Variants in HCFC1 observed in about 807,000 individuals in gnomAD.
The protein encoded by HCFC1 is host cell factor C1, also known as host cell factor 1.
HCFC1 carries 7 observed loss-of-function variants against 105.5 expected under a neutral mutation model. That is an observed-to-expected ratio of 0.07 (90% CI 0.04 to 0.12). The LOEUF is 0.12. Ranked by LOEUF, HCFC1 falls within the 10% of genes least tolerant of loss-of-function variation. The pLI is 1.00. For synonymous variants in HCFC1, 918 were observed against 828.1 expected (o/e 1.11, Z -1.86); for missense variants, 1,065 against 1,823.6 (o/e 0.58, Z 7.58).
Position 153,958,112 on chromosome X carries a change from G to A in HCFC1, c.1941C>T (p.Ala647=). Residue 647 remains alanine, a synonymous_variant, in exon 11 of 26, where the codon GCC becomes GCT. Coordinates refer to ENST00000310441, the MANE Select transcript of HCFC1 (RefSeq NM_005334.3). ...CGCCCACAACTGTGGTCACCACCTG[G>A]GCTTGCTGGGCCACTGTCACAGTGC... The part of the protein sequence containing the change: ...KSGTVTVAQQ[A]QVVTTVVGGV... The A allele has an allele frequency of 8.3e-7, 1 of 1,211,849 alleles. No individual in the cohort carries two copies. The highest frequency in any genetic ancestry group is 1.8e-5 in the South Asian group (1 of 57,031).
At chrX:153,961,309 C>T (rs1352325843) in intron 6 of HCFC1, among the ~76,000 whole-genome samples, 1 of 112,466 alleles carries the variant, frequency 8.9e-6, no homozygotes. Flanking sequence ...GGCCCTGCAC[C>T]GTAGAGGCTT....
At chrX:153,959,767 C>T in intron 8 of HCFC1, 35 bp downstream of exon 8, 1 of 1,148,492 alleles carries the variant, frequency 8.7e-7, no homozygotes, top group Non-Finnish European at 1.2e-6. Context: ...GAGGCTAGCC[C>T]CCTACTTTCA....
At chrX:153,950,744 G>C (rs1367052657) in intron 23 of HCFC1, 69 bp downstream of exon 23, 7 of 1,032,361 alleles carry the variant, frequency 6.8e-6, no homozygotes, top group Admixed American at 4.8e-5. Context: ...GCCCCCCCCC[G>C]GCCACCTCAT....
At chrX:153,963,076 G>T in intron 4 of HCFC1, 149 bp downstream of exon 4, 1 of 489,536 alleles carries the variant, frequency 2.0e-6, no homozygotes, top group Non-Finnish European at 3.6e-6. Context: ...TCCCCACCCT[G>T]GCCCACCATG....
rs1557120029 is a variant in HCFC1, at chrX:153,971,073, T to C, written c.-233A>G. 1.1e-5 allele frequency: 4 copies of C among 367,750 alleles called. No homozygotes were observed. In the South Asian group the frequency reaches 1.8e-4, roughly 17 times the overall value. 30.3% of individuals were successfully genotyped at this position (367,750 alleles called of 1,213,427 possible). On this transcript the variant is annotated 5_prime_UTR_variant, in exon 1 of 26. Transcript: ENST00000310441. ...GAGCCGCCCGAAACTGTCGAGCGCC[T>C]AGGCTCAAGAAGCTGGAGGCCGCTG...
chrX:153,962,396 T>C, intron 4 of HCFC1, 90 bp from the exon 5 acceptor site: 1 of 630,645 alleles, frequency 1.6e-6, no homozygotes, highest in Non-Finnish European at 2.6e-6. Context: ...AGGTAGGATC[T>C]GTCTCAGTGA....
At chrX:153,965,277 G>A (rs2065463806) in intron 1 of HCFC1, among the ~76,000 whole-genome samples, 1 of 111,333 alleles carries the variant, frequency 9.0e-6, no homozygotes, top group Non-Finnish European at 1.9e-5. Flanking sequence ...ATCCCTCCCT[G>A]CCCCTGCTGC....
rs192617829 is a variant in HCFC1 at position 153,966,893 on chromosome X, T to C, written c.194-2167A>G. Among the ~76,000 whole-genome samples, 712 of 112,430 alleles carry C rather than the reference T, an allele frequency of 6.3e-3. 6 individuals carry two copies. The highest frequency in any genetic ancestry group is 0.021 in the African/African-American group (662 of 30,988). The stretch of plus-strand genomic sequence containing the variant: ...ACGTGGGGTCAGTGGGCAGCTTTCC[T>C]ATCACACGCTGATCAGTGAGCCGGT... On this transcript the variant is annotated intron_variant, in intron 1 of 25. Transcript: ENST00000310441.
At chrX:153,959,772 C>A (rs1603297059) in intron 8 of HCFC1, 30 bp downstream of exon 8, 2 of 1,149,362 alleles carry the variant, frequency 1.7e-6, no homozygotes, top group East Asian at 6.0e-5. Flanking sequence ...TAGCCCCCTA[C>A]TTTCAAACGT....
intron 4 of HCFC1, among the ~76,000 whole-genome samples, chrX:153,962,713 T>C (rs782603459): frequency 8.9e-6 from 1 of 112,218 alleles, no homozygotes; most frequent in East Asian, 2.8e-4. Context: ...CTCTGATCTA[T>C]AGGACAACAT....
Position 153,950,779 on chromosome X carries a change from C to A in HCFC1, c.5703+34G>T, listed in dbSNP as rs782349010. On this transcript the variant is annotated intron_variant, in intron 23 of 25. Coordinates refer to ENST00000310441, the MANE Select transcript of HCFC1 (RefSeq NM_005334.3). Reference sequence around the variant, plus strand: ...TGTGCTGAGGCAGGCAGAAACCAACCAGGGACAGACGGCCACCCCACAGCA... The same window carrying A: ...TGTGCTGAGGCAGGCAGAAACCAACAAGGGACAGACGGCCACCCCACAGCA... 5.9e-6 allele frequency: 7 copies of A among 1,192,574 alleles called. No individual in the cohort carries two copies. The African/African-American group carries it at 1.1e-4, about 18-fold the overall frequency.
At chrX:153,952,373 T>C in intron 19 of HCFC1, 141 bp downstream of exon 19, 1 of 886,912 alleles carries the variant, frequency 1.1e-6, no homozygotes, top group Non-Finnish European at 1.5e-6. Flanking sequence ...TTGGCCTGCC[T>C]GGGGTCCCCT....
Position 153,959,448 on chromosome X carries a change from T to C in HCFC1, c.1488A>G (p.Thr496=), listed in dbSNP as rs1193409413. 2 of 1,210,136 alleles carry C rather than the reference T, an allele frequency of 1.7e-6. No individual in the cohort carries two copies. Reference sequence around the variant, plus strand: ...GTCGCATGGTGACCAATGGAGTTCCTGTTGTAGCCTGAGGACCGGTCACTT... The same window carrying C: ...GTCGCATGGTGACCAATGGAGTTCCCGTTGTAGCCTGAGGACCGGTCACTT... ...VLKVTGPQAT[T]GTPLVTMRPA... is the part of the protein sequence containing the mutation. The change falls in exon 9 of 26, where the codon ACA becomes ACG. Residue 496 remains threonine, a synonymous_variant. Coordinates refer to ENST00000310441, the MANE Select transcript of HCFC1 (RefSeq NM_005334.3).
rs782769309 is a variant in HCFC1 at position 153,951,470 on chromosome X, GGGC to G, written c.5394_5396del (p.Pro1801del). ...TCTTCATGGGGGCTTTGCTGGGTGG[GGGC>G]GGCAGGTCTGGCTTCTGCAAGACAG... On this transcript the variant is annotated inframe_deletion, in exon 22 of 26. Transcript: ENST00000310441. 1.9e-4 allele frequency: 233 copies of G among 1,209,563 alleles called. No homozygotes were observed. Among genetic ancestry groups the G allele is most frequent in the Non-Finnish European group, 2.3e-4 (210 of 895,046 alleles).
chrX:153,957,064 G>A lies in HCFC1; in HGVS notation c.2354-4C>T. 8.3e-7 allele frequency: 1 copy of A among 1,206,675 alleles called. No individual in the cohort carries two copies. ...ATGCCAGGACTGCTGGTCACACCTGGATGGGAGAGTGGGGCCCAGGGGAGA... is the reference window on the plus strand; with the variant it reads ...ATGCCAGGACTGCTGGTCACACCTGAATGGGAGAGTGGGGCCCAGGGGAGA... On this transcript the variant is annotated splice_polypyrimidine_tract_variant and splice_region_variant and intron_variant, in intron 13 of 25. Transcript: ENST00000310441.
Position 153,952,671 on chromosome X carries a change from G to C in HCFC1, c.4785C>G (p.Ala1595=), listed in dbSNP as rs782276350. The C allele has an allele frequency of 1.7e-6, 2 of 1,211,138 alleles. No individual in the cohort carries two copies. The highest frequency in any genetic ancestry group is 1.8e-5 in the South Asian group (1 of 56,979). ...LSLPQELMAE[A]QAGTTTLMVT... ...CCATGAGGGTGGTGGTGCCAGCTTGGGCCTCGGCCATTAGCTCTTGGGGAA... is the reference window on the plus strand; with the variant it reads ...CCATGAGGGTGGTGGTGCCAGCTTGCGCCTCGGCCATTAGCTCTTGGGGAA... The change falls in exon 19 of 26, where the codon GCC becomes GCG. Residue 1595 remains alanine (A), a synonymous_variant. Coordinates refer to ENST00000310441, the MANE Select transcript of HCFC1 (RefSeq NM_005334.3).
chrX:153,953,667 T>C lies in HCFC1; in HGVS notation c.4437A>G (p.Thr1479=), dbSNP rs781941210. Reference sequence around the variant, plus strand: ...TCACGGTGGTCACAGCCCGCGTCAGTGTGGAGGACACGGTTGTCGTGATGG... The same window carrying C: ...TCACGGTGGTCACAGCCCGCGTCAGCGTGGAGGACACGGTTGTCGTGATGG... ...SSAITTTVSS[T]LTRAVTTVTQ... Residue 1479 remains threonine (T), a synonymous_variant, in exon 18 of 26, where the codon ACA becomes ACG. Coordinates refer to ENST00000310441, the MANE Select transcript of HCFC1 (RefSeq NM_005334.3). 1.8e-5 allele frequency: 22 copies of C among 1,209,110 alleles called. No individual in the cohort carries two copies. In the African/African-American group the frequency reaches 3.7e-4, roughly 20 times the overall value.
chrX:153,958,451 T>C, intron 10 of HCFC1, 118 bp downstream of exon 10: 2 of 752,762 alleles, frequency 2.7e-6, no homozygotes, highest in Admixed American at 2.8e-5. Flanking sequence ...CCTGAGGCCA[T>C]GACGCCCCTA....
Position 153,949,411 on chromosome X carries a change from GA to G in HCFC1, c.6069-26del, listed in dbSNP as rs782192758. On this transcript the variant is annotated intron_variant, in intron 25 of 25. Transcript: ENST00000310441. Reference sequence around the variant, plus strand: ...CCTTGGAAGGCAGAAAAAGGAAAGAGAAAGTTAGTGTGGGCCCTGCACCACT... The same window carrying G: ...CCTTGGAAGGCAGAAAAAGGAAAGAGAAGTTAGTGTGGGCCCTGCACCACT... The G allele has an allele frequency of 5.9e-6, 7 of 1,196,064 alleles. No individual in the cohort carries two copies. The South Asian group carries it at 1.1e-4, about 18-fold the overall frequency.
Sources: gnomAD v4.1 joint callset for allele counts (sites outside exome capture counted in the v4.1 genomes callset) on GRCh38, gnomAD v4.1.1 for gene constraint, MANE v1.5 for transcripts, NCBI Gene and HGNC (gene_info 2026-07-23, HGNC 2026-07-21) for gene names.